Variants in TAFA4 observed in about 807,000 individuals in gnomAD.
TAFA4 encodes chemokine-like protein TAFA-4.
In TAFA4, 20 loss-of-function variants were observed where a neutral mutation model predicts 21.1. The observed-to-expected ratio is 0.95, with a 90% CI of 0.67 to 1.38. TAFA4 has a LOEUF of 1.38. Among genes scored for constraint, TAFA4 ranks in the 40% most tolerant of loss-of-function variants. The pLI, the probability that TAFA4 is intolerant of heterozygous loss-of-function variation, is 0.00. For missense variants in TAFA4, 211 were observed against 180.9 expected, an observed-to-expected ratio of 1.17 and a Z score of -0.95; for synonymous variants, 71 against 67.4, an observed-to-expected ratio of 1.05 and a Z score of -0.26.
chr3:68,932,545 T>G lies in TAFA4; in HGVS notation c.-428A>C, dbSNP rs937704728. ...GTCCAGGGCGGCGCGCAGCTAGCAG[T>G]GCGGAGCCGAGCCCAGCTAGCGCGC... On this transcript the variant is annotated 5_prime_UTR_variant, in exon 1 of 6. Transcript: ENST00000295569. The G allele has an allele frequency of 2.0e-5, 3 of 151,960 alleles. No homozygotes were observed. Among genetic ancestry groups the G allele is most frequent in the Admixed American group, 6.5e-5 (1 of 15,270 alleles). 9.4% of individuals were successfully genotyped at this position (151,960 alleles called of 1,614,324 possible).
At chr3:68,908,546 G>T (rs1164942534) in intron 1 of TAFA4, among the ~76,000 whole-genome samples, 1 of 152,038 alleles carries the variant, frequency 6.6e-6, no homozygotes. Context: ...TATCCATCAA[G>T]GTGCCCAATT....
chr3:68,917,435 G>C (rs2090013794), intron 1 of TAFA4, among the ~76,000 whole-genome samples: 1 of 151,580 alleles, frequency 6.6e-6, no homozygotes, highest in African/African-American at 2.4e-5. Flanking sequence ...CTCCCCCCCT[G>C]TGTGTCAGTG....
chr3:68,875,859 T>C (rs2089543791), intron 3 of TAFA4, among the ~76,000 whole-genome samples: 1 of 152,068 alleles, frequency 6.6e-6, no homozygotes. Context: ...TCTTTATTAC[T>C]TGAGGTTACG....
At chr3:68,748,700 C>T (rs9866307) in intron 4 of TAFA4, among the ~76,000 whole-genome samples, 43,746 of 150,530 alleles carry the variant, frequency 0.29, 7,892 homozygotes, top group Non-Finnish European at 0.41. Context: ...GCAGAGAGCA[C>T]GCCACTGCAC....
chr3:68,853,732 A>T (rs1705001226), intron 3 of TAFA4, among the ~76,000 whole-genome samples: 1 of 152,176 alleles, frequency 6.6e-6, no homozygotes, highest in Non-Finnish European at 1.5e-5. Context: ...CAAGGTAGCT[A>T]AGGGCAGGTA....
chr3:68,760,570 A>G (rs1392417673), intron 3 of TAFA4, among the ~76,000 whole-genome samples: 2 of 152,154 alleles, frequency 1.3e-5, no homozygotes, highest in African/African-American at 2.4e-5. Context: ...CACTCCACTG[A>G]TCTTCTTAGA....
At chr3:68,777,114 TGAG>T (rs1393218753) in intron 3 of TAFA4, among the ~76,000 whole-genome samples, 1 of 147,990 alleles carries the variant, frequency 6.8e-6, no homozygotes, top group Non-Finnish European at 1.5e-5. Flanking sequence ...AACGAAATAA[TGAG>T]TGCTGGAAAT....
chr3:68,873,374 A>ACACACACACACACACACACC (rs1216878409), intron 3 of TAFA4, among the ~76,000 whole-genome samples: 2 of 140,276 alleles, frequency 1.4e-5, no homozygotes, highest in African/African-American at 5.1e-5. Flanking sequence ...ACACACACAC[A>ACACACACACACACACACACC]CACCCTGGGC....
intron 3 of TAFA4, among the ~76,000 whole-genome samples, chr3:68,793,661 T>C (rs1703405480): frequency 6.6e-6 from 1 of 152,126 alleles, no homozygotes; most frequent in Non-Finnish European, 1.5e-5. Context: ...AAGGAATGAG[T>C]GAAACTTTGA....
chr3:68,742,887 A>ATACC (rs1702383766), intron 4 of TAFA4, among the ~76,000 whole-genome samples: 1 of 152,130 alleles, frequency 6.6e-6, no homozygotes, highest in African/African-American at 2.4e-5. Flanking sequence ...GCTTATATTC[A>ATACC]TACCTCCCTC....
Position 68,756,946 on chromosome 3 carries a change from T to C in TAFA4, c.131-3928A>G, listed in dbSNP as rs180848428. 5.7e-4 allele frequency among the ~76,000 whole-genome samples: 87 copies of C among 152,204 alleles called. 1 individual carries two copies. Among genetic ancestry groups the C allele is most frequent in the African/African-American group, 1.9e-3 (79 of 41,536 alleles). On this transcript the variant is annotated intron_variant, in intron 3 of 5. Coordinates refer to ENST00000295569, the MANE Select transcript of TAFA4 (RefSeq NM_182522.5). Reference sequence around the variant, plus strand: ...TTGGAGGGGAGATCCTGTCTTTGGTTTCCAAATGCAAATCAGCAACTTTCA... The same window carrying C: ...TTGGAGGGGAGATCCTGTCTTTGGTCTCCAAATGCAAATCAGCAACTTTCA...
chr3:68,837,455 C>G (rs998652855), intron 3 of TAFA4, among the ~76,000 whole-genome samples: 6 of 152,206 alleles, frequency 3.9e-5, no homozygotes, highest in African/African-American at 1.4e-4. Context: ...CCCCTTCCTT[C>G]CACTCCAGCC....
intron 1 of TAFA4, among the ~76,000 whole-genome samples, chr3:68,886,576 A>G (rs534933802): frequency 2.0e-5 from 3 of 152,294 alleles, no homozygotes; most frequent in Non-Finnish European, 4.4e-5. Flanking sequence ...TCTTCACACA[A>G]AAGGAACCAC....
At chr3:68,773,131 T>C (rs1430762368) in intron 3 of TAFA4, among the ~76,000 whole-genome samples, 5 of 152,156 alleles carry the variant, frequency 3.3e-5, no homozygotes, top group Non-Finnish European at 7.4e-5. Context: ...TTGAATATTG[T>C]GCAAATATTC....
chr3:68,786,712 G>A (rs941646801), intron 3 of TAFA4, among the ~76,000 whole-genome samples: 10 of 152,264 alleles, frequency 6.6e-5, no homozygotes, highest in South Asian at 2.1e-4. Context: ...ACAGATGCAC[G>A]AAAGTGATTT....
chr3:68,840,770 G>A (rs1704643099), intron 3 of TAFA4, among the ~76,000 whole-genome samples: 1 of 152,138 alleles, frequency 6.6e-6, no homozygotes, highest in Admixed American at 6.5e-5. Context: ...CATGCATGGG[G>A]AACACTTAGT....
chr3:68,850,131 A>G (rs566285077), intron 3 of TAFA4, among the ~76,000 whole-genome samples: 2 of 152,242 alleles, frequency 1.3e-5, no homozygotes, highest in Admixed American at 1.3e-4. Context: ...CTGACGCACA[A>G]AGCGCTCTTA....
chr3:68,785,436 G>T (rs1703233853), intron 3 of TAFA4, among the ~76,000 whole-genome samples: 1 of 152,240 alleles, frequency 6.6e-6, no homozygotes, highest in South Asian at 2.1e-4. Context: ...AGGCATGGCG[G>T]GCTGCGGGTC....
chr3:68,836,822 A>G (rs925932715), intron 3 of TAFA4, among the ~76,000 whole-genome samples: 2 of 152,116 alleles, frequency 1.3e-5, no homozygotes, highest in Admixed American at 6.5e-5. Flanking sequence ...ACCAGGGTTC[A>G]AGTCTTGACT....
Sources: allele counts gnomAD v4.1 joint callset (sites outside exome capture counted in the v4.1 genomes callset), GRCh38; gene constraint gnomAD v4.1.1; transcripts MANE v1.5; gene names NCBI Gene and HGNC (gene_info 2026-07-23, HGNC 2026-07-21).